Variants in EBF3 observed in about 807,000 individuals in gnomAD.
EBF3 encodes transcription factor COE3.
EBF3 carries 18 observed loss-of-function variants against 77.1 expected under a neutral mutation model. The ratio of observed to expected loss-of-function variants is 0.23; its 90% confidence interval spans 0.16 to 0.35. The LOEUF (loss-of-function observed/expected upper bound fraction) is 0.35. Among genes scored for constraint, EBF3 ranks in the 10% least tolerant of loss-of-function variants. The probability of loss-of-function intolerance (pLI) is 1.00; values close to 1 mark genes in which losing one functional copy is unlikely to be tolerated. For missense variants in EBF3, 558 were observed against 860.0 expected, an observed-to-expected ratio of 0.65 and a Z score of 4.39; for synonymous variants, 350 against 343.5, an observed-to-expected ratio of 1.02 and a Z score of -0.21.
In EBF3 at chr10:129,837,630, T is replaced by G; in HGVS notation, c.*313A>C. ...ATTACTAGACATGGCCAAGACGGAG[T>G]CGGAAACTTTATACAAAATAGGCGT... On this transcript the variant is annotated 3_prime_UTR_variant, in exon 17 of 17. Transcript: ENST00000440978. 2 of 356,728 alleles carry G rather than the reference T, an allele frequency of 5.6e-6. No individual in the cohort carries two copies. The highest frequency in any genetic ancestry group is 1.0e-5 in the Non-Finnish European group (2 of 196,244). The allele number at this position is 356,728 out of a possible 1,614,324, so 22.1% of individuals were successfully genotyped here.
At chr10:129,889,616 A>G (rs1265421763) in intron 6 of EBF3, among the ~76,000 whole-genome samples, 1 of 152,210 alleles carries the variant, frequency 6.6e-6, no homozygotes, top group Non-Finnish European at 1.5e-5. Context: ...GACTCATTTG[A>G]TAAGAGAAGA....
chr10:129,963,342 G>A lies in EBF3; in HGVS notation c.291+25C>T, dbSNP rs367554568. On this transcript the variant is annotated intron_variant, in intron 2 of 16. Transcript: ENST00000440978. This position sits in a 1 kb window ranked among gnomAD's most constrained non-coding sequence, Gnocchi z 7.1. The stretch of plus-strand genomic sequence containing the variant: ...GCCTCCCGCTTCTAGAAAGAGAGAG[G>A]GTGTGATCGTGTGTTTGCACTTACT... The A allele has an allele frequency of 1.5e-5, 23 of 1,570,268 alleles. No homozygotes were observed. Among genetic ancestry groups the A allele is most frequent in the African/African-American group, 1.1e-4 (8 of 70,818 alleles).
At chr10:129,909,026 AGCT>A (rs1855337358) in intron 6 of EBF3, among the ~76,000 whole-genome samples, 1 of 152,216 alleles carries the variant, frequency 6.6e-6, no homozygotes, top group Middle Eastern at 3.2e-3. Flanking sequence ...TTTTAAGCAC[AGCT>A]GCTGAAGGCT....
chr10:129,884,945 A>C (rs1166349702), intron 6 of EBF3, among the ~76,000 whole-genome samples: 1 of 152,182 alleles, frequency 6.6e-6, no homozygotes, highest in Non-Finnish European at 1.5e-5. Flanking sequence ...TACAATCGCC[A>C]AGGGACCCAC....
At position 129,843,000 on chromosome 10, in the gene EBF3, C is replaced by A; in HGVS notation, c.1194+137G>T. 2.6e-6 allele frequency: 2 copies of A among 774,770 alleles called. No homozygotes were observed. The highest frequency in any genetic ancestry group is 4.1e-6 in the Non-Finnish European group (2 of 482,842). The allele number at this position is 774,770 out of a possible 1,614,324, so 48.0% of individuals were successfully genotyped here. ...TAGCGTGAGGGCAAGGATGGGAAGC[C>A]ATTCTCACATCAGACTCCTGTGGAG... On this transcript the variant is annotated intron_variant, in intron 12 of 16. Coordinates refer to ENST00000440978, the MANE Select transcript of EBF3 (RefSeq NM_001375380.1). The surrounding 1 kb of genome is among the most constrained non-coding windows in gnomAD (Gnocchi z 4.4).
intron 6 of EBF3, among the ~76,000 whole-genome samples, chr10:129,924,670 C>T (rs540887735): frequency 6.6e-4 from 100 of 152,250 alleles, no homozygotes; most frequent in Non-Finnish European, 9.1e-4. Context: ...ATCTGTGTTT[C>T]TTTCTTTTTT....
chr10:129,840,383 T>G lies in EBF3; in HGVS notation c.1621A>C (p.Ser541Arg). Residue 541 changes from serine to arginine, a missense_variant, in exon 15 of 17, where the codon AGC becomes CGC. Transcript: ENST00000440978. Reference sequence around the variant, plus strand: ...GAGAATGAGAAAATGCCGTGTGTGCTGCTACAGTTTGAAGGGAGGGTGACC... The same window carrying G: ...GAGAATGAGAAAATGCCGTGTGTGCGGCTACAGTTTGAAGGGAGGGTGACC... ...SSVTLPSNCS[S>R]THGIFSFSPA... 4 of 1,554,322 alleles carry G rather than the reference T, an allele frequency of 2.6e-6. No homozygotes were observed. Among genetic ancestry groups the G allele is most frequent in the Non-Finnish European group, 3.5e-6 (4 of 1,148,142 alleles).
intron 12 of EBF3, 41 bp downstream of exon 12, chr10:129,843,096 A>C: frequency 7.3e-7 from 1 of 1,372,170 alleles, no homozygotes; most frequent in African/African-American, 1.5e-5. Context: ...GGGTTCTGGC[A>C]TGGGGGGGAG....
chr10:129,958,247 G>C (rs1370077033), intron 5 of EBF3, among the ~76,000 whole-genome samples: 1 of 152,178 alleles, frequency 6.6e-6, no homozygotes, highest in Non-Finnish European at 1.5e-5. Flanking sequence ...CAGAGTATGC[G>C]GCCTGCTACT....
At chr10:129,925,588 T>G (rs1222933455) in intron 6 of EBF3, among the ~76,000 whole-genome samples, 3 of 74,318 alleles carry the variant, frequency 4.0e-5, no homozygotes, top group Non-Finnish European at 7.8e-5. Flanking sequence ...CAAGACTCCA[T>G]CTCAAAAAAA....
In EBF3 at chr10:129,941,682, C is replaced by T. The variant is rs1010118694; in HGVS notation, c.554+15576G>A. 1.4e-4 allele frequency among the ~76,000 whole-genome samples: 22 copies of T among 152,218 alleles called. 1 individual carries two copies. Among genetic ancestry groups the T allele is most frequent in the African/African-American group, 5.3e-4 (22 of 41,452 alleles). ...CAGGGCAGTGAGCAGCGCTCCATCC[C>T]CAGGGCCTGGAGGCCAGAGAAAGGG... On this transcript the variant is annotated intron_variant, in intron 6 of 16. Coordinates refer to ENST00000440978, the MANE Select transcript of EBF3 (RefSeq NM_001375380.1).
intron 6 of EBF3, among the ~76,000 whole-genome samples, chr10:129,930,660 T>C (rs995332188): frequency 2.0e-5 from 3 of 149,116 alleles, no homozygotes; most frequent in African/African-American, 7.5e-5. Flanking sequence ...CCCTCTCATA[T>C]ATCTATATCT....
intron 6 of EBF3, among the ~76,000 whole-genome samples, chr10:129,916,467 G>A (rs1193733916): frequency 3.3e-5 from 5 of 152,242 alleles, no homozygotes; most frequent in South Asian, 2.1e-4. Context: ...TGCAGAAAAC[G>A]ACACCAAGAA....
At chr10:129,950,149 G>A (rs939696638) in intron 6 of EBF3, among the ~76,000 whole-genome samples, 1 of 152,018 alleles carries the variant, frequency 6.6e-6, no homozygotes, top group Admixed American at 6.6e-5. Flanking sequence ...CGCTGGAGCC[G>A]ACTCCTTCCG....
intron 15 of EBF3, among the ~76,000 whole-genome samples, chr10:129,839,954 G>A (rs1465766348): frequency 6.6e-6 from 1 of 152,156 alleles, no homozygotes; most frequent in East Asian, 1.9e-4. Context: ...CTTCTCTTAC[G>A]TGGTCCCACC....
In EBF3 at chr10:129,858,746, A is replaced by G. The variant is rs139474131; in HGVS notation, c.1039+8395T>C. Reference sequence around the variant, plus strand: ...TGACTTTAGGCTTCCTCAGATGCCTAGAGTGCGGGTCCAGGCCTCAGAGGC... The same window carrying G: ...TGACTTTAGGCTTCCTCAGATGCCTGGAGTGCGGGTCCAGGCCTCAGAGGC... On this transcript the variant is annotated intron_variant, in intron 10 of 16. Coordinates refer to ENST00000440978, the MANE Select transcript of EBF3 (RefSeq NM_001375380.1). 1.7e-3 allele frequency among the ~76,000 whole-genome samples: 260 copies of G among 152,274 alleles called. 1 individual carries two copies. Among genetic ancestry groups the G allele is most frequent in the African/African-American group, 5.9e-3 (244 of 41,548 alleles).
chr10:129,926,254 C>G (rs1020950099), intron 6 of EBF3, among the ~76,000 whole-genome samples: 1 of 152,148 alleles, frequency 6.6e-6, no homozygotes, highest in Admixed American at 6.5e-5. Flanking sequence ...AATGGCGGAA[C>G]GCACACCTTG....
At chr10:129,926,113 C>T (rs1311143259) in intron 6 of EBF3, among the ~76,000 whole-genome samples, 1 of 152,242 alleles carries the variant, frequency 6.6e-6, no homozygotes, top group Non-Finnish European at 1.5e-5. Context: ...AGAAGGATTT[C>T]AGTTCCTTAT....
chr10:129,848,455 G>A lies in EBF3; in HGVS notation c.1065C>T (p.Tyr355=), dbSNP rs200561162. ...YTALNEPTID[Y]GFQRLQKVIP... ...TCACTTTCTGCAACCTCTGAAAGCC[G>A]TAATCTATGGTTGGTTCATTAAGGG... The change falls in exon 11 of 17, where the codon TAC becomes TAT. Residue 355 remains tyrosine (Y), a synonymous_variant. Transcript: ENST00000440978. This position sits in a 1 kb window ranked among gnomAD's most constrained non-coding sequence, Gnocchi z 4.4. The A allele has an allele frequency of 4.3e-6, 7 of 1,614,200 alleles. No individual in the cohort carries two copies. The highest frequency in any genetic ancestry group is 1.7e-5 in the Admixed American group (1 of 60,026).
Sources: allele counts gnomAD v4.1 joint callset (sites outside exome capture counted in the v4.1 genomes callset), GRCh38; gene constraint gnomAD v4.1.1; non-coding constraint Gnocchi (gnomAD v3.1); transcripts MANE v1.5; gene names NCBI Gene and HGNC (gene_info 2026-07-23, HGNC 2026-07-21).